EVC: variants seen among roughly 807,000 people sequenced by gnomAD.
EVC encodes the protein EvC ciliary complex subunit 1.
In EVC, 116 loss-of-function variants were observed where a neutral mutation model predicts 118.9. The ratio of observed to expected loss-of-function variants is 0.98; its 90% confidence interval spans 0.84 to 1.14. The LOEUF (loss-of-function observed/expected upper bound fraction) is 1.14, where lower values mean the gene tolerates loss of function less well. EVC is among the 50% of genes most tolerant of loss of function. EVC has a pLI of 0.00. For synonymous variants in EVC, 619 were observed against 534.7 expected, an observed-to-expected ratio of 1.16 and a Z score of -2.18; for missense variants, 1,401 against 1,246.4, an observed-to-expected ratio of 1.12 and a Z score of -1.87.
At chr4:5,821,692 C>T in the EVC span, 2 of 1,457,306 alleles carry the variant, frequency 1.4e-6, no homozygotes, top group South Asian at 1.3e-5. The surrounding 1 kb of genome is among the most constrained non-coding windows in gnomAD (Gnocchi z 4.4). Flanking sequence ...GTTTCAAAAA[C>T]ACTGACAGGA....
chr4:5,828,276 A>G, the EVC span: 3 of 985,426 alleles, frequency 3.0e-6, no homozygotes, highest in Admixed American at 6.1e-5. Context: ...TACAGTTTGC[A>G]AAGCCCTGGA....
intron 1 of EVC, among the ~76,000 whole-genome samples, chr4:5,714,182 G>A (rs6825034): frequency 0.83 from 126,211 of 152,214 alleles, 52,627 homozygotes; most frequent in African/African-American, 0.91. Context: ...AACCTTCCAC[G>A]CTAGATCAGG....
intron 19 of EVC, among the ~76,000 whole-genome samples, 183 bp from the exon 20 acceptor site, chr4:5,810,156 C>T (rs564425539): frequency 3.3e-5 from 5 of 152,300 alleles, no homozygotes; most frequent in South Asian, 2.1e-4. Flanking sequence ...TGGGAGAGTA[C>T]GTCACCTTCC....
intron 7 of EVC, among the ~76,000 whole-genome samples, chr4:5,745,986 T>C (rs1729306883): frequency 6.6e-6 from 1 of 152,136 alleles, no homozygotes; most frequent in South Asian, 2.1e-4. Context: ...AGAGTTCATT[T>C]TACCCCAGGC....
chr4:5,735,306 C>T (rs111895523), intron 5 of EVC, among the ~76,000 whole-genome samples: 10 of 152,244 alleles, frequency 6.6e-5, no homozygotes, highest in African/African-American at 2.2e-4. Context: ...TGGGGAGTCT[C>T]GTGGGTGGAA....
At position 5,719,240 on chromosome 4, in the gene EVC, G is replaced by T; in HGVS notation, c.175-8G>T. 1 of 1,614,158 alleles carries T rather than the reference G, an allele frequency of 6.2e-7. No homozygotes were observed. The highest frequency in any genetic ancestry group is 2.2e-5 in the East Asian group (1 of 44,872). On this transcript the variant is annotated splice_region_variant and splice_polypyrimidine_tract_variant and intron_variant, in intron 1 of 20. Transcript: ENST00000264956. This position sits in a 1 kb window ranked among gnomAD's most constrained non-coding sequence, Gnocchi z 4.7. ...ATCCACCCCCAACTCCTGACCTTCG[G>T]GTTTTAGAAAGACGACACTCAAAAT...
chr4:5,802,707 C>G (rs1356095032), intron 16 of EVC, among the ~76,000 whole-genome samples: 1 of 152,170 alleles, frequency 6.6e-6, no homozygotes, highest in Non-Finnish European at 1.5e-5. Context: ...AGGGTTCACG[C>G]TCCTATGAGA....
chr4:5,756,243 C>G lies in EVC; in HGVS notation c.1465-21C>G. ...AAACCCTGCATGTTTCTACCAGACTCAGCTCTTGTTTTCCTCACAGGCTTT... is the reference window on the plus strand; with the variant it reads ...AAACCCTGCATGTTTCTACCAGACTGAGCTCTTGTTTTCCTCACAGGCTTT... On this transcript the variant is annotated intron_variant, in intron 10 of 20. Transcript: ENST00000264956. This position sits in a 1 kb window ranked among gnomAD's most constrained non-coding sequence, Gnocchi z 4.2. 1 of 1,570,834 alleles carries G rather than the reference C, an allele frequency of 6.4e-7. No individual in the cohort carries two copies.
intron 12 of EVC, 144 bp from the exon 13 acceptor site, chr4:5,793,464 A>T (rs1186077300): frequency 1.3e-6 from 1 of 768,584 alleles, no homozygotes; most frequent in Admixed American, 2.0e-5. Context: ...AGAAAATACA[A>T]GAGAAAATGT....
chr4:5,779,189 C>T (rs1735209313), intron 11 of EVC, among the ~76,000 whole-genome samples: 1 of 151,440 alleles, frequency 6.6e-6, no homozygotes, highest in Admixed American at 6.6e-5. Flanking sequence ...TGTTCTGTTC[C>T]ATTGATCTAT....
chr4:5,807,075 T>C (rs185815497), intron 17 of EVC, among the ~76,000 whole-genome samples: 85 of 152,314 alleles, frequency 5.6e-4, no homozygotes, highest in African/African-American at 1.6e-3. Flanking sequence ...TCTGGAGTGC[T>C]GGCCTCAGCT....
chr4:5,803,551 C>G (rs1715364369), intron 16 of EVC, among the ~76,000 whole-genome samples: 1 of 152,214 alleles, frequency 6.6e-6, no homozygotes, highest in Non-Finnish European at 1.5e-5. Flanking sequence ...CTGCCCCACC[C>G]CAGCCCCCAT....
intron 16 of EVC, among the ~76,000 whole-genome samples, chr4:5,803,613 G>C (rs1474768539): frequency 1.3e-5 from 2 of 152,192 alleles, no homozygotes; most frequent in Non-Finnish European, 2.9e-5. Context: ...CTCTCATGCA[G>C]GGATTTCACA....
chr4:5,809,101 G>A lies in EVC; in HGVS notation c.2689-417G>A, dbSNP rs188205406. Among the ~76,000 whole-genome samples, 5 of 152,346 alleles carry A rather than the reference G, an allele frequency of 3.3e-5. No homozygotes were observed. The East Asian group carries it at 5.8e-4, about 18-fold the overall frequency. The stretch of plus-strand genomic sequence containing the variant: ...ACAAACTGAGGCATGCACAGGTTAC[G>A]TTGCTATCCAGGGTCACACAGTTAA... On this transcript the variant is annotated intron_variant, in intron 18 of 20. Coordinates refer to ENST00000264956, the MANE Select transcript of EVC (RefSeq NM_153717.3).
At position 5,811,386 on chromosome 4, in the gene EVC, C is replaced by T; in HGVS notation, c.*349C>T. The T allele has an allele frequency of 2.9e-6, 1 of 343,846 alleles. No individual in the cohort carries two copies. The highest frequency in any genetic ancestry group is 7.1e-5 in the East Asian group (1 of 14,134). 21.3% of individuals were successfully genotyped at this position (343,846 alleles called of 1,614,324 possible). ...GATGCAGACTCTGGAATCCCTGGCC[C>T]AAAGGCCTGTCTGGGCCCATCTGGG... On this transcript the variant is annotated 3_prime_UTR_variant, in exon 21 of 21. Transcript: ENST00000264956.
rs1020098375 is a variant in EVC at position 5,743,404 on chromosome 4, C to A, written c.801+1590C>A. 1.3e-5 allele frequency among the ~76,000 whole-genome samples: 2 copies of A among 152,154 alleles called. No individual in the cohort carries two copies. The highest frequency in any genetic ancestry group is 2.9e-5 in the Non-Finnish European group (2 of 68,030). ...CATCCCCTGCCATCATTTTCATTAT[C>A]ATCATCATTGTTATTGTCATCATTT... On this transcript the variant is annotated intron_variant, in intron 6 of 20. Coordinates refer to ENST00000264956, the MANE Select transcript of EVC (RefSeq NM_153717.3). The surrounding 1 kb of genome is among the most constrained non-coding windows in gnomAD (Gnocchi z 4.7).
chr4:5,804,838 A>G lies in EVC; in HGVS notation c.2558A>G (p.Gln853Arg). The G allele has an allele frequency of 6.2e-7, 1 of 1,613,500 alleles. No individual in the cohort carries two copies. Among genetic ancestry groups the G allele is most frequent in the Non-Finnish European group, 8.5e-7 (1 of 1,179,558 alleles). The change falls in exon 17 of 21, where the codon CAG (glutamine) becomes CGG (arginine). Residue 853 changes from glutamine (Q) to arginine (R), a missense_variant. Coordinates refer to ENST00000264956, the MANE Select transcript of EVC (RefSeq NM_153717.3). ...CATGAGACCTCCCAGGCGGTCCACC[A>G]GAGGTGAGGTCCCAACTGAGGTCCC... ...GAHETSQAVHQRMLSQQKRFL... is the reference protein window; with the variant it reads ...GAHETSQAVHRRMLSQQKRFL...
rs1715104844 is a variant in EVC at position 5,802,087 on chromosome 4, C to T, written c.2442C>T (p.Thr814=). 1.9e-6 allele frequency: 3 copies of T among 1,606,702 alleles called. No homozygotes were observed. Among genetic ancestry groups the T allele is most frequent in the Non-Finnish European group, 2.5e-6 (3 of 1,176,932 alleles). Residue 814 remains threonine (T), a synonymous_variant, in exon 16 of 21, where the codon ACC becomes ACT. Transcript: ENST00000264956. Reference sequence around the variant, plus strand: ...AGAGAAAACTGCAGCACCTGAAGACCCTGCAGGGTACGGGACCCCCCCTCA... The same window carrying T: ...AGAGAAAACTGCAGCACCTGAAGACTCTGCAGGGTACGGGACCCCCCCTCA... ...HEERKLQHLK[T]LQGERMENYK...
chr4:5,782,914 G>A (rs1015244374), intron 11 of EVC, among the ~76,000 whole-genome samples: 1 of 152,198 alleles, frequency 6.6e-6, no homozygotes, highest in Admixed American at 6.5e-5. Flanking sequence ...AGGCCCTAAT[G>A]ATGGTTTTGA....
Sources: gnomAD v4.1 joint callset for allele counts (sites outside exome capture counted in the v4.1 genomes callset) on GRCh38, gnomAD v4.1.1 for gene constraint, Gnocchi (gnomAD v3.1) non-coding constraint, MANE v1.5 for transcripts, NCBI Gene and HGNC (gene_info 2026-07-23, HGNC 2026-07-21) for gene names.